The following HDAC8 variants were observed in gnomAD, a reference collection of about 807,000 sequenced individuals.
HDAC8 encodes the protein histone deacetylase 8.
HDAC8 carries 1 observed loss-of-function variant against 32.2 expected under a neutral mutation model. The observed-to-expected ratio is 0.03, with a 90% CI of 0.01 to 0.15. The LOEUF (loss-of-function observed/expected upper bound fraction) is 0.15, where lower values mean the gene tolerates loss of function less well. Ranked by LOEUF, HDAC8 falls within the 10% of genes least tolerant of loss-of-function variation. The pLI, the probability that HDAC8 is intolerant of heterozygous loss-of-function variation, is 1.00. For synonymous variants in HDAC8, 108 were observed against 113.9 expected, an observed-to-expected ratio of 0.95 and a Z score of 0.33; for missense variants, 117 against 300.0, an observed-to-expected ratio of 0.39 and a Z score of 4.51.
chrX:72,392,760 A>G (rs1183326971), intron 9 of HDAC8, among the ~76,000 whole-genome samples: 1 of 112,273 alleles, frequency 8.9e-6, no homozygotes, highest in Admixed American at 9.5e-5. Context: ...TTCTGAAAAG[A>G]GATGTGTAGA....
chrX:72,457,397 G>T (rs1419605249), intron 9 of HDAC8, among the ~76,000 whole-genome samples: 3 of 112,052 alleles, frequency 2.7e-5, no homozygotes, highest in African/African-American at 9.7e-5. Context: ...AAGACATGAA[G>T]ATTATACAGA....
intron 7 of HDAC8, 86 bp from the exon 8 acceptor site, chrX:72,464,817 A>T (rs1223827086): frequency 2.8e-5 from 17 of 604,698 alleles, no homozygotes; most frequent in Non-Finnish European, 4.3e-5. Context: ...GGTATAATTG[A>T]ATTAGCAAAT....
chrX:72,428,645 G>A (rs1261716712), intron 9 of HDAC8, among the ~76,000 whole-genome samples: 1 of 111,820 alleles, frequency 8.9e-6, no homozygotes, highest in Non-Finnish European at 1.9e-5. Context: ...AAGAATGCTA[G>A]CCCCTTTTTA....
chrX:72,536,611 G>A (rs1011847960), intron 4 of HDAC8, among the ~76,000 whole-genome samples: 1 of 111,822 alleles, frequency 8.9e-6, no homozygotes. Context: ...CCTAATTGTG[G>A]GAAATCAGAA....
At chrX:72,520,901 A>C (rs1300849735) in intron 4 of HDAC8, among the ~76,000 whole-genome samples, 1 of 112,341 alleles carries the variant, frequency 8.9e-6, no homozygotes, top group Non-Finnish European at 1.9e-5. Context: ...TTGTTTCTTC[A>C]TAAACATTTC....
At chrX:72,332,787 G>T (rs2043564800) in intron 10 of HDAC8, among the ~76,000 whole-genome samples, 1 of 110,617 alleles carries the variant, frequency 9.0e-6, no homozygotes, top group Non-Finnish European at 1.9e-5. Flanking sequence ...TAGTAGCTGG[G>T]ATTACAGGCA....
At chrX:72,377,542 C>T (rs1287163857) in intron 9 of HDAC8, among the ~76,000 whole-genome samples, 1 of 111,556 alleles carries the variant, frequency 9.0e-6, no homozygotes, top group African/African-American at 3.3e-5. Context: ...CTCTTTTTCA[C>T]TTCTTTAGTT....
At chrX:72,356,922 T>C (rs2044386678) in intron 9 of HDAC8, among the ~76,000 whole-genome samples, 1 of 110,771 alleles carries the variant, frequency 9.0e-6, no homozygotes. Flanking sequence ...AGAGATCAGC[T>C]GTGCATTTTA....
At chrX:72,477,425 A>G (rs1361805101) in intron 7 of HDAC8, among the ~76,000 whole-genome samples, 1 of 111,867 alleles carries the variant, frequency 8.9e-6, no homozygotes, top group Admixed American at 9.5e-5. Flanking sequence ...TCAATTGCTC[A>G]CTTTTCAAGC....
chrX:72,428,920 T>A (rs916230033), intron 9 of HDAC8, among the ~76,000 whole-genome samples: 15 of 111,586 alleles, frequency 1.3e-4, no homozygotes, highest in African/African-American at 4.9e-4. Flanking sequence ...CCTCACAAGG[T>A]TATTGTAGGA....
intron 9 of HDAC8, among the ~76,000 whole-genome samples, chrX:72,354,114 A>C (rs1254189565): frequency 8.9e-6 from 1 of 112,403 alleles, no homozygotes; most frequent in Non-Finnish European, 1.9e-5. Flanking sequence ...TACTGGGATT[A>C]AGCCTGTTGT....
intron 4 of HDAC8, among the ~76,000 whole-genome samples, chrX:72,556,609 T>G (rs2051291016): frequency 8.9e-6 from 1 of 111,755 alleles, no homozygotes; most frequent in Non-Finnish European, 1.9e-5. Flanking sequence ...GCTATTCTTA[T>G]ATCAGACAAA....
chrX:72,354,677 A>T (rs782367027), intron 9 of HDAC8, among the ~76,000 whole-genome samples: 74 of 111,625 alleles, frequency 6.6e-4, no homozygotes, highest in Non-Finnish European at 9.0e-4. Flanking sequence ...TTTAAAAAAA[A>T]TTTTTTAAAT....
chrX:72,341,747 C>T (rs1555945158), intron 10 of HDAC8, among the ~76,000 whole-genome samples: 1 of 111,322 alleles, frequency 9.0e-6, no homozygotes, highest in African/African-American at 3.3e-5. Flanking sequence ...ACTGCCGTCT[C>T]TCTGGTTGAC....
intron 9 of HDAC8, among the ~76,000 whole-genome samples, chrX:72,452,627 C>T (rs782404338): frequency 9.0e-6 from 1 of 111,726 alleles, no homozygotes; most frequent in Non-Finnish European, 1.9e-5. Flanking sequence ...AAAGGCTAGT[C>T]AAGACCTACT....
At chrX:72,549,113 C>T (rs1273747772) in intron 4 of HDAC8, among the ~76,000 whole-genome samples, 2 of 111,795 alleles carry the variant, frequency 1.8e-5, no homozygotes, top group Non-Finnish European at 1.9e-5. Flanking sequence ...ACTTCTGTTG[C>T]AGATGCATGC....
At chrX:72,461,697 G>T (rs73498364) in intron 9 of HDAC8, among the ~76,000 whole-genome samples, 8,755 of 111,251 alleles carry the variant, frequency 0.079, 771 homozygotes, top group African/African-American at 0.26. Flanking sequence ...TTGAGGCTAG[G>T]GGATAAAAAT....
intron 7 of HDAC8, among the ~76,000 whole-genome samples, chrX:72,470,677 C>A (rs1301761827): frequency 9.0e-6 from 1 of 111,462 alleles, no homozygotes; most frequent in Non-Finnish European, 1.9e-5. Flanking sequence ...CCTGAAATTG[C>A]TCTCTTAAAG....
At chrX:72,456,438 G>A (rs1401261539) in intron 9 of HDAC8, among the ~76,000 whole-genome samples, 1 of 111,806 alleles carries the variant, frequency 8.9e-6, no homozygotes, top group Non-Finnish European at 1.9e-5. Flanking sequence ...GAACGCTGCT[G>A]TAAAGGTACT....
Sources: allele counts gnomAD v4.1 joint callset (sites outside exome capture counted in the v4.1 genomes callset), GRCh38; gene constraint gnomAD v4.1.1; transcripts MANE v1.5; gene names NCBI Gene and HGNC (gene_info 2026-07-23, HGNC 2026-07-21).